Variants in PRKG1 observed in about 807,000 individuals in gnomAD.
PRKG1 encodes protein kinase cGMP-dependent 1.
PRKG1 carries 35 observed loss-of-function variants against 88.1 expected under a neutral mutation model. The observed-to-expected ratio is 0.40, with a 90% CI of 0.30 to 0.53. The LOEUF (loss-of-function observed/expected upper bound fraction) is 0.53. PRKG1 is among the 20% of genes least tolerant of loss of function. The pLI is 0.59. For missense variants in PRKG1, 540 were observed against 839.8 expected (o/e 0.64, Z 4.41); for synonymous variants, 303 against 292.5 (o/e 1.04, Z -0.37).
intron 6 of PRKG1, among the ~76,000 whole-genome samples, chr10:52,061,147 A>T (rs1232858973): frequency 6.6e-6 from 1 of 151,926 alleles, no homozygotes; most frequent in Non-Finnish European, 1.5e-5. Context: ...GGTCACAGAG[A>T]CACAGAGACA....
At chr10:51,305,689 T>C (rs911534887) in intron 2 of PRKG1, among the ~76,000 whole-genome samples, 4 of 152,166 alleles carry the variant, frequency 2.6e-5, no homozygotes, top group African/African-American at 9.7e-5. Context: ...AACACCAAAA[T>C]AGGATTCCTT....
chr10:51,407,471 C>A (rs1350304470), intron 2 of PRKG1, among the ~76,000 whole-genome samples: 1 of 152,136 alleles, frequency 6.6e-6, no homozygotes, highest in Non-Finnish European at 1.5e-5. Flanking sequence ...AAGATATTTT[C>A]TTGGTACAAT....
chr10:51,645,757 T>C (rs1839900998), intron 3 of PRKG1, among the ~76,000 whole-genome samples: 1 of 152,136 alleles, frequency 6.6e-6, no homozygotes, highest in Admixed American at 6.6e-5. Flanking sequence ...CAGTGAAACT[T>C]CAGATACATC....
intron 2 of PRKG1, among the ~76,000 whole-genome samples, chr10:51,377,983 A>T (rs1842849034): frequency 6.6e-6 from 1 of 152,184 alleles, no homozygotes; most frequent in Non-Finnish European, 1.5e-5. Flanking sequence ...AAGCTAGCTG[A>T]TTGATCACTT....
chr10:52,164,968 T>A (rs1225324399), intron 9 of PRKG1, among the ~76,000 whole-genome samples: 1 of 152,204 alleles, frequency 6.6e-6, no homozygotes, highest in Non-Finnish European at 1.5e-5. Flanking sequence ...TTGAATTTTC[T>A]GCTCAATTCA....
intron 3 of PRKG1, among the ~76,000 whole-genome samples, chr10:51,729,534 C>G (rs371140759): frequency 1.3e-5 from 2 of 151,752 alleles, no homozygotes; most frequent in East Asian, 3.9e-4. Flanking sequence ...TGGTGAAACC[C>G]TGTCTCTACT....
chr10:51,099,182 G>A (rs1844616581), intron 1 of PRKG1, among the ~76,000 whole-genome samples: 1 of 152,050 alleles, frequency 6.6e-6, no homozygotes, highest in Admixed American at 6.6e-5. Context: ...CTTCTCTGAG[G>A]CTCGCTTTGT....
At chr10:52,100,777 C>T (rs1564468826) in intron 7 of PRKG1, among the ~76,000 whole-genome samples, 1 of 152,192 alleles carries the variant, frequency 6.6e-6, no homozygotes, top group Non-Finnish European at 1.5e-5. Context: ...ACCTTTACTT[C>T]ATTTTATTTT....
At chr10:51,548,020 C>T (rs191259089) in intron 3 of PRKG1, among the ~76,000 whole-genome samples, 11 of 152,048 alleles carry the variant, frequency 7.2e-5, no homozygotes, top group African/African-American at 1.4e-4. Context: ...AATAGTTATC[C>T]GTACAAATAG....
intron 2 of PRKG1, among the ~76,000 whole-genome samples, chr10:51,393,466 G>C (rs10762097): frequency 0.19 from 28,495 of 152,158 alleles, 2,956 homozygotes; most frequent in Admixed American, 0.3. Flanking sequence ...GGTGGCGGCC[G>C]GGCAGCTACA....
chr10:51,328,898 GT>G (rs979914691), intron 2 of PRKG1, among the ~76,000 whole-genome samples: 1 of 151,938 alleles, frequency 6.6e-6, no homozygotes, highest in African/African-American at 2.4e-5. Context: ...ATTTCAGAAG[GT>G]TTTTGGGGAA....
At chr10:51,158,217 A>G (rs371768705) in intron 2 of PRKG1, among the ~76,000 whole-genome samples, 34 of 151,910 alleles carry the variant, frequency 2.2e-4, no homozygotes, top group African/African-American at 8.2e-4. Context: ...TAATTCTCAT[A>G]ATGACATTAA....
At chr10:51,995,576 G>A (rs1370158599) in intron 5 of PRKG1, among the ~76,000 whole-genome samples, 1 of 152,028 alleles carries the variant, frequency 6.6e-6, no homozygotes, top group African/African-American at 2.4e-5. Context: ...GTGTATGCCT[G>A]TCTTTTCTCC....
chr10:50,992,200 A>G (rs2660217), intron 1 of PRKG1, among the ~76,000 whole-genome samples: 132,660 of 151,798 alleles, frequency 0.87, 58,071 homozygotes, highest in East Asian at 0.94. Flanking sequence ...ATGCGGGGAC[A>G]GGGAGAGGCG....
chr10:51,510,245 CATA>C (rs1384265255), intron 3 of PRKG1, among the ~76,000 whole-genome samples: 3 of 152,098 alleles, frequency 2.0e-5, no homozygotes, highest in South Asian at 2.1e-4. Context: ...ACCTGTACAA[CATA>C]ATGTTTGTAT....
intron 5 of PRKG1, among the ~76,000 whole-genome samples, chr10:51,997,063 G>C (rs944907099): frequency 2.2e-5 from 3 of 134,784 alleles, no homozygotes; most frequent in African/African-American, 8.5e-5. Flanking sequence ...GAACCTAAAA[G>C]AGTTGATCTC....
intron 2 of PRKG1, among the ~76,000 whole-genome samples, chr10:51,369,221 A>G (rs903233261): frequency 5.9e-5 from 9 of 152,056 alleles, no homozygotes; most frequent in African/African-American, 1.9e-4. Flanking sequence ...TAAGAAGAAT[A>G]CCATAGACTA....
intron 5 of PRKG1, among the ~76,000 whole-genome samples, chr10:51,989,294 T>C (rs999689324): frequency 6.6e-6 from 1 of 152,114 alleles, no homozygotes; most frequent in Non-Finnish European, 1.5e-5. Context: ...TTGGTCTTTA[T>C]ATTGAGATTA....
At chr10:51,019,135 T>C (rs999755136) in intron 1 of PRKG1, among the ~76,000 whole-genome samples, 2 of 152,226 alleles carry the variant, frequency 1.3e-5, no homozygotes, top group African/African-American at 2.4e-5. Flanking sequence ...GCTACTATTA[T>C]ACCTCTAAAC....
Sources: allele counts gnomAD v4.1 joint callset (sites outside exome capture counted in the v4.1 genomes callset), GRCh38; gene constraint gnomAD v4.1.1; transcripts MANE v1.5; gene names NCBI Gene and HGNC (gene_info 2026-07-23, HGNC 2026-07-21).